Variants in EML4 observed in about 807,000 individuals in gnomAD.
EML4 encodes EMAP like 4, also known as echinoderm microtubule-associated protein-like 4.
EML4 carries 72 observed loss-of-function variants against 129.0 expected under a neutral mutation model. The observed-to-expected ratio is 0.56, with a 90% CI of 0.46 to 0.68. The LOEUF is 0.68. Ranked by LOEUF, EML4 falls within the 30% of genes least tolerant of loss-of-function variation. EML4 has a pLI of 0.00. For synonymous variants in EML4, 532 were observed against 405.0 expected, an observed-to-expected ratio of 1.31 and a Z score of -3.77; for missense variants, 1,363 against 1,190.6, an observed-to-expected ratio of 1.14 and a Z score of -2.13.
rs190787724 is a variant in EML4, at chr2:42,291,607, T to A, written c.1218+3285T>A. Among the ~76,000 whole-genome samples, 907 of 152,116 alleles carry A rather than the reference T, an allele frequency of 6.0e-3. 7 individuals carry two copies. Among genetic ancestry groups the A allele is most frequent in the Non-Finnish European group, 9.7e-3 (663 of 68,008 alleles). ...TTTTAATAGAGTCAGAGTTTCACCA[T>A]GTTGGCCAGGCTGGTCTCAAACTCC... On this transcript the variant is annotated intron_variant, in intron 11 of 22. Coordinates refer to ENST00000318522, the MANE Select transcript of EML4 (RefSeq NM_019063.5).
chr2:42,295,113 C>G lies in EML4; in HGVS notation c.1219-12C>G. 6.2e-7 allele frequency: 1 copy of G among 1,600,018 alleles called. No individual in the cohort carries two copies. The highest frequency in any genetic ancestry group is 8.5e-7 in the Non-Finnish European group (1 of 1,175,262). Reference sequence around the variant, plus strand: ...TATACATTCATCTAAAGCTTTATTTCCCTTTTCATAGACAACAAATGAAGT... The same window carrying G: ...TATACATTCATCTAAAGCTTTATTTGCCTTTTCATAGACAACAAATGAAGT... On this transcript the variant is annotated splice_polypyrimidine_tract_variant and intron_variant, in intron 11 of 22. Coordinates refer to ENST00000318522, the MANE Select transcript of EML4 (RefSeq NM_019063.5).
intron 17 of EML4, among the ~76,000 whole-genome samples, chr2:42,307,789 G>A (rs1158158908): frequency 6.6e-6 from 1 of 152,104 alleles, no homozygotes; most frequent in Non-Finnish European, 1.5e-5. Context: ...TGAGTAGCTG[G>A]GATTACAGGC....
intron 7 of EML4, among the ~76,000 whole-genome samples, chr2:42,281,264 A>C (rs1179180963): frequency 6.6e-6 from 1 of 151,988 alleles, no homozygotes. Context: ...GTGGTGGTGC[A>C]TGCCTGTAAT....
chr2:42,256,848 T>TAAAG (rs1051834353), intron 3 of EML4, among the ~76,000 whole-genome samples: 1 of 152,248 alleles, frequency 6.6e-6, no homozygotes, highest in Non-Finnish European at 1.5e-5. Context: ...CCGTTCTCAC[T>TAAAG]AAAGAAAGAA....
intron 17 of EML4, among the ~76,000 whole-genome samples, chr2:42,308,742 C>T (rs1363225869): frequency 6.6e-6 from 1 of 152,050 alleles, no homozygotes; most frequent in Non-Finnish European, 1.5e-5. Flanking sequence ...TTCCCCATGA[C>T]CCCACCCACC....
chr2:42,271,304 A>C (rs1242174768), intron 6 of EML4, among the ~76,000 whole-genome samples: 1 of 152,198 alleles, frequency 6.6e-6, no homozygotes, highest in African/African-American at 2.4e-5. Flanking sequence ...ATTTTATTTA[A>C]GAGGGTAGAG....
In EML4 at chr2:42,332,107, C is replaced by T. The variant is rs530075115; in HGVS notation, c.*1900C>T. 16 of 221,236 alleles carry T rather than the reference C, an allele frequency of 7.2e-5. No individual in the cohort carries two copies. The Admixed American group carries it at 8.6e-4, about 12-fold the overall frequency. 13.7% of individuals were successfully genotyped at this position (221,236 alleles called of 1,614,324 possible). A position where few individuals can be genotyped will look rare whatever the true frequency, so the allele number is the denominator to read the frequency against. On this transcript the variant is annotated 3_prime_UTR_variant, in exon 23 of 23. Coordinates refer to ENST00000318522, the MANE Select transcript of EML4 (RefSeq NM_019063.5). ...CATCAGATCAGCATGTGCTATACTC[C>T]CTGCAAGAAATATACTGACATGAAC...
chr2:42,203,250 C>T (rs1273438143), intron 1 of EML4, among the ~76,000 whole-genome samples: 1 of 152,166 alleles, frequency 6.6e-6, no homozygotes, highest in Non-Finnish European at 1.5e-5. Flanking sequence ...CTTAACCTAA[C>T]ATTTTCCATG....
At chr2:42,269,252 A>G (rs1353713805) in intron 6 of EML4, among the ~76,000 whole-genome samples, 3 of 152,250 alleles carry the variant, frequency 2.0e-5, no homozygotes, top group Non-Finnish European at 4.4e-5. Context: ...GCTTTATCAA[A>G]TAATTTAAAA....
chr2:42,208,787 C>G (rs1313316569), intron 1 of EML4, among the ~76,000 whole-genome samples: 3 of 126,810 alleles, frequency 2.4e-5, no homozygotes, highest in African/African-American at 6.0e-5. Context: ...GGGTCTCGTT[C>G]TGTCTGGCTT....
chr2:42,182,258 C>G (rs1187323495), intron 1 of EML4, among the ~76,000 whole-genome samples: 1 of 151,302 alleles, frequency 6.6e-6, no homozygotes, highest in Non-Finnish European at 1.5e-5. Flanking sequence ...GCTGCACCCA[C>G]TAACTCGTCA....
intron 2 of EML4, among the ~76,000 whole-genome samples, chr2:42,252,088 A>G (rs1476933639): frequency 6.6e-6 from 1 of 152,220 alleles, no homozygotes; most frequent in Non-Finnish European, 1.5e-5. Context: ...TGCAAGAATA[A>G]GAAGATAATA....
At chr2:42,171,952 C>T (rs972265883) in intron 1 of EML4, among the ~76,000 whole-genome samples, 1 of 152,040 alleles carries the variant, frequency 6.6e-6, no homozygotes, top group Non-Finnish European at 1.5e-5. Context: ...TTTCTGTTCT[C>T]TGCAGTTAAT....
intron 1 of EML4, among the ~76,000 whole-genome samples, chr2:42,204,026 C>T (rs1672393757): frequency 6.6e-6 from 1 of 151,986 alleles, no homozygotes; most frequent in Non-Finnish European, 1.5e-5. Flanking sequence ...TTCAAGGGAT[C>T]CTCCCACCTC....
At chr2:42,183,585 A>G (rs974844407) in intron 1 of EML4, among the ~76,000 whole-genome samples, 8 of 152,202 alleles carry the variant, frequency 5.3e-5, no homozygotes, top group Admixed American at 3.3e-4. Context: ...TGGTATATGT[A>G]TATGTATGTA....
intron 1 of EML4, among the ~76,000 whole-genome samples, chr2:42,213,402 C>T (rs141489065): frequency 7.2e-4 from 109 of 152,288 alleles, no homozygotes; most frequent in African/African-American, 2.5e-3. Flanking sequence ...TGTGTAGTTA[C>T]ATTTCCATAG....
intron 1 of EML4, among the ~76,000 whole-genome samples, chr2:42,218,989 T>C (rs1466637380): frequency 1.3e-5 from 2 of 152,202 alleles, no homozygotes; most frequent in Admixed American, 6.5e-5. Context: ...ATGTAAGGTA[T>C]AATGCAGTTA....
chr2:42,299,768 A>C (rs1006363657), intron 13 of EML4, among the ~76,000 whole-genome samples: 3 of 152,054 alleles, frequency 2.0e-5, no homozygotes, highest in African/African-American at 7.2e-5. Flanking sequence ...CGGCTCACTG[A>C]ACCTCCGCCT....
At chr2:42,178,465 G>T (rs1008068075) in intron 1 of EML4, among the ~76,000 whole-genome samples, 2 of 151,958 alleles carry the variant, frequency 1.3e-5, no homozygotes, top group African/African-American at 4.8e-5. Context: ...GATCGCTTGA[G>T]CCCAGGAGGT....
Sources: gnomAD v4.1 joint callset for allele counts (sites outside exome capture counted in the v4.1 genomes callset) on GRCh38, gnomAD v4.1.1 for gene constraint, MANE v1.5 for transcripts, NCBI Gene and HGNC (gene_info 2026-07-23, HGNC 2026-07-21) for gene names.